LAMA3: variants seen among roughly 807,000 people sequenced by gnomAD.
The protein encoded by LAMA3 is laminin subunit alpha-3.
LAMA3 carries 281 observed loss-of-function variants against 402.0 expected under a neutral mutation model. The ratio of observed to expected loss-of-function variants is 0.70; its 90% confidence interval spans 0.63 to 0.77. The LOEUF is 0.77. Ranked by LOEUF, LAMA3 falls within the 30% of genes least tolerant of loss-of-function variation. The pLI is 0.00. For synonymous variants in LAMA3, 1,431 were observed against 1,558.4 expected (o/e 0.92, Z 1.93); for missense variants, 3,840 against 4,215.5 (o/e 0.91, Z 2.47).
intron 6 of LAMA3, among the ~76,000 whole-genome samples, chr18:23,756,779 A>T (rs2061852467): frequency 6.6e-6 from 1 of 152,194 alleles, no homozygotes; most frequent in African/African-American, 2.4e-5. Flanking sequence ...GAGCCACGGC[A>T]TCCCAGGCTC....
At chr18:23,736,692 C>T (rs768547546) in intron 2 of LAMA3, among the ~76,000 whole-genome samples, 2 of 152,040 alleles carry the variant, frequency 1.3e-5, no homozygotes, top group Non-Finnish European at 2.9e-5. Flanking sequence ...GGGGGAAAAT[C>T]CTAAATCCTC....
chr18:23,904,133 C>T (rs1174945508), intron 50 of LAMA3, 46 bp downstream of exon 50: 1 of 1,608,468 alleles, frequency 6.2e-7, no homozygotes, highest in Non-Finnish European at 8.5e-7. Context: ...GGGCTGAGCT[C>T]AGCAGCTTGT....
At chr18:23,693,709 A>C (rs2060634851) in intron 1 of LAMA3, among the ~76,000 whole-genome samples, 1 of 152,170 alleles carries the variant, frequency 6.6e-6, no homozygotes, top group Admixed American at 6.5e-5. Flanking sequence ...TATCAGCTCA[A>C]ATAATATTTT....
At chr18:23,871,730 C>T in intron 38 of LAMA3, 69 bp downstream of exon 38, 1 of 1,278,050 alleles carries the variant, frequency 7.8e-7, no homozygotes, top group Non-Finnish European at 1.1e-6. Context: ...TGCTGTCCAG[C>T]ACTGTGGGAT....
chr18:23,791,420 A>G (rs1024835653), intron 12 of LAMA3, among the ~76,000 whole-genome samples: 1 of 152,110 alleles, frequency 6.6e-6, no homozygotes, highest in African/African-American at 2.4e-5. Flanking sequence ...AAAATGATAG[A>G]TAATTGGGAT....
chr18:23,807,920 A>C (rs2062994533), intron 12 of LAMA3, among the ~76,000 whole-genome samples: 1 of 152,214 alleles, frequency 6.6e-6, no homozygotes, highest in African/African-American at 2.4e-5. Flanking sequence ...GTAGAGACTT[A>C]ACCTCTGCAG....
intron 18 of LAMA3, among the ~76,000 whole-genome samples, chr18:23,817,203 G>A (rs1227486771): frequency 1.3e-5 from 2 of 152,090 alleles, no homozygotes; most frequent in African/African-American, 4.8e-5. Flanking sequence ...GGAACTATAG[G>A]AACTATGGTA....
rs549788037 is a variant in LAMA3 at position 23,897,058 on chromosome 18, T to G, written c.5614-1680T>G. On this transcript the variant is annotated intron_variant, in intron 44 of 74. Transcript: ENST00000313654. ...AATGACTTTGCAGAATGACACCCAA[T>G]AGAAGGAACAAGAAATTAGGAAATT... Among the ~76,000 whole-genome samples, 103 of 151,658 alleles carry G rather than the reference T, an allele frequency of 6.8e-4. No individual in the cohort carries two copies. In the Middle Eastern group the frequency reaches 0.014, roughly 20 times the overall value.
Position 23,894,283 on chromosome 18 carries a change from A to AT in LAMA3, c.5411-11dup. 6.2e-7 allele frequency: 1 copy of AT among 1,601,790 alleles called. No homozygotes were observed. The highest frequency in any genetic ancestry group is 1.3e-5 in the African/African-American group (1 of 74,808). ...TTTAATAACTATGTCTTCTTTGGTTATTTTCTGATTTTAGACTGCATAAAC... is the reference window on the plus strand; with the variant it reads ...TTTAATAACTATGTCTTCTTTGGTTATTTTTCTGATTTTAGACTGCATAAAC... On this transcript the variant is annotated splice_polypyrimidine_tract_variant and intron_variant, in intron 42 of 74. Coordinates refer to ENST00000313654, the MANE Select transcript of LAMA3 (RefSeq NM_198129.4).
At chr18:23,781,409 G>T (rs913325621) in intron 11 of LAMA3, 8 of 390,294 alleles carry the variant, frequency 2.0e-5, no homozygotes, top group Admixed American at 1.6e-4. Flanking sequence ...CCATGGCTGG[G>T]CCTAGAATTA....
intron 2 of LAMA3, among the ~76,000 whole-genome samples, chr18:23,732,117 T>C (rs1023012372): frequency 6.6e-6 from 1 of 152,120 alleles, no homozygotes; most frequent in Non-Finnish European, 1.5e-5. Context: ...ATTAAAATGA[T>C]GATTCTGATT....
chr18:23,938,220 C>G (rs985457408), intron 67 of LAMA3, among the ~76,000 whole-genome samples: 2 of 152,134 alleles, frequency 1.3e-5, no homozygotes, highest in Non-Finnish European at 2.9e-5. Flanking sequence ...GCTCATTGGC[C>G]AGCAGGGAGG....
intron 11 of LAMA3, among the ~76,000 whole-genome samples, chr18:23,778,679 C>T (rs2062373804): frequency 6.6e-6 from 1 of 152,202 alleles, no homozygotes. Context: ...GACTCATGCT[C>T]ACATCTCCTG....
At chr18:23,756,076 T>C (rs1351930078) in intron 6 of LAMA3, among the ~76,000 whole-genome samples, 1 of 152,086 alleles carries the variant, frequency 6.6e-6, no homozygotes, top group Non-Finnish European at 1.5e-5. Context: ...AAATGTTTAA[T>C]TGGCAATGAG....
intron 2 of LAMA3, among the ~76,000 whole-genome samples, chr18:23,721,432 C>T (rs913978815): frequency 7.9e-5 from 12 of 152,016 alleles, no homozygotes; most frequent in Admixed American, 6.6e-4. Flanking sequence ...CTAACCAGCC[C>T]GAATGAGGAA....
At chr18:23,873,221 G>A (rs1315422425) in intron 38 of LAMA3, 7 of 1,613,194 alleles carry the variant, frequency 4.3e-6, no homozygotes, top group African/African-American at 1.3e-5. Context: ...GCCAGGTAAC[G>A]TCCTTTTAAG....
intron 2 of LAMA3, among the ~76,000 whole-genome samples, chr18:23,734,393 A>C (rs535517171): frequency 2.0e-5 from 3 of 152,306 alleles, no homozygotes; most frequent in East Asian, 1.9e-4. Flanking sequence ...GGGTGAGAAG[A>C]GCATGGAGCA....
chr18:23,863,853 T>C (rs2064285337), intron 35 of LAMA3, among the ~76,000 whole-genome samples: 1 of 152,190 alleles, frequency 6.6e-6, no homozygotes, highest in Non-Finnish European at 1.5e-5. Context: ...GGACCCAAGG[T>C]GTGAAGTAGC....
At position 23,918,657 on chromosome 18, in the gene LAMA3, T is replaced by C. The variant is rs192674633; in HGVS notation, c.7923+1962T>C. Among the ~76,000 whole-genome samples, 8 of 152,304 alleles carry C rather than the reference T, an allele frequency of 5.3e-5. No individual in the cohort carries two copies. The highest frequency in any genetic ancestry group is 5.2e-4 in the Admixed American group (8 of 15,284). ...GGTTGATGGAGAGTTGGCGTGATGT[T>C]TGCTGCTTTATACCTATAGCCGGCC... On this transcript the variant is annotated intron_variant, in intron 60 of 74. Transcript: ENST00000313654. This position sits in a 1 kb window ranked among gnomAD's most constrained non-coding sequence, Gnocchi z 4.1.
Sources: gnomAD v4.1 joint callset for allele counts (sites outside exome capture counted in the v4.1 genomes callset) on GRCh38, gnomAD v4.1.1 for gene constraint, Gnocchi (gnomAD v3.1) non-coding constraint, MANE v1.5 for transcripts, NCBI Gene and HGNC (gene_info 2026-07-23, HGNC 2026-07-21) for gene names.